The following SLC30A10 variants were observed in gnomAD, a reference collection of about 807,000 sequenced individuals.
The protein encoded by SLC30A10 is calcium/manganese antiporter SLC30A10.
SLC30A10 carries 8 observed loss-of-function variants against 21.7 expected under a neutral mutation model. The observed-to-expected ratio is 0.37, with a 90% CI of 0.22 to 0.67. The LOEUF is 0.67. SLC30A10 is among the 30% of genes least tolerant of loss of function. SLC30A10 has a pLI of 0.58. For synonymous variants in SLC30A10, 272 were observed against 279.4 expected (o/e 0.97, Z 0.26); for missense variants, 521 against 642.5 (o/e 0.81, Z 2.04).
intron 1 of SLC30A10, among the ~76,000 whole-genome samples, chr1:219,942,356 T>C (rs1026244567): frequency 1.3e-5 from 2 of 151,954 alleles, no homozygotes; most frequent in Admixed American, 1.3e-4. Flanking sequence ...AGATGGAGAG[T>C]TGGACCAGAG....
chr1:219,947,532 C>CA (rs1006268189), intron 1 of SLC30A10, among the ~76,000 whole-genome samples: 7 of 150,958 alleles, frequency 4.6e-5, no homozygotes, highest in Non-Finnish European at 7.4e-5. Context: ...GATCCTGTCT[C>CA]AAAAAAAAAT....
Position 219,915,449 on chromosome 1 carries a change from T to C in SLC30A10, c.1458A>G (p.Ter486=), listed in dbSNP as rs1161184826. Residue 486 remains the stop codon, a stop_retained_variant, in exon 4 of 4, where the codon TAA becomes TAG. Transcript: ENST00000366926. ...ATGGTCTGATTATGTGAGTACCAGA[T>C]TAAAAATGCGTTCTGTTGACATAAC... The part of the protein sequence containing the change: ...DQCYVNRTHF[*] 1 of 1,612,320 alleles carries C rather than the reference T, an allele frequency of 6.2e-7. No homozygotes were observed. Among genetic ancestry groups the C allele is most frequent in the African/African-American group, 1.3e-5 (1 of 74,938 alleles).
chr1:219,943,694 C>T (rs1163867493), intron 1 of SLC30A10, among the ~76,000 whole-genome samples: 1 of 152,002 alleles, frequency 6.6e-6, no homozygotes, highest in Non-Finnish European at 1.5e-5. Context: ...CAAGCAATTA[C>T]AAATACATTT....
chr1:219,958,734 G>T (rs918984559), upstream of SLC30A10: 3 of 152,564 alleles, frequency 2.0e-5, no homozygotes, highest in Admixed American at 2.0e-4. Context: ...CTTCAACCAG[G>T]ATGCTGAACA....
Position 219,913,684 on chromosome 1 carries a change from A to T in SLC30A10, c.*1765T>A, listed in dbSNP as rs1471725220. ...CCCTTTGAGCTTATAAAGGGCATAT[A>T]ACCTAGCCCAATAAGCTCCTAGAAA... On this transcript the variant is annotated 3_prime_UTR_variant, in exon 4 of 4. Transcript: ENST00000366926. 6.6e-6 allele frequency: 1 copy of T among 152,198 alleles called. No homozygotes were observed. The highest frequency in any genetic ancestry group is 1.5e-5 in the Non-Finnish European group (1 of 68,036). 9.4% of individuals were successfully genotyped at this position (152,198 alleles called of 1,614,324 possible). A position where few individuals can be genotyped will look rare whatever the true frequency, so the allele number is the denominator to read the frequency against.
In SLC30A10 at chr1:219,912,192, A is replaced by G. The variant is rs990792304; in HGVS notation, c.*3257T>C. Among the ~76,000 whole-genome samples, 549 of 141,736 alleles carry G rather than the reference A, an allele frequency of 3.9e-3. 4 individuals are homozygous for G. Among genetic ancestry groups the G allele is most frequent in the African/African-American group, 0.013 (523 of 38,874 alleles). 93.0% of individuals were successfully genotyped at this position (141,736 alleles called of 152,430 possible). A position where few individuals can be genotyped will look rare whatever the true frequency, so the allele number is the denominator to read the frequency against. On this transcript the variant is annotated 3_prime_UTR_variant, in exon 4 of 4. Transcript: ENST00000366926. Reference sequence around the variant, plus strand: ...TGGCAAAAAAAAAAAAAAAAAAAAAAAAAAGAACTAAATATGGAGAATATT... The same window carrying G: ...TGGCAAAAAAAAAAAAAAAAAAAAAGAAAAGAACTAAATATGGAGAATATT...
upstream of SLC30A10, among the ~76,000 whole-genome samples, chr1:219,928,995 C>G (rs541421554): frequency 2.8e-4 from 43 of 152,226 alleles, no homozygotes; most frequent in Admixed American, 5.2e-4. This position sits in a 1 kb window ranked among gnomAD's most constrained non-coding sequence, Gnocchi z 6.3. Context: ...GGTGCAGATT[C>G]CATATTAATC....
intron 2 of SLC30A10, among the ~76,000 whole-genome samples, chr1:219,923,368 G>T (rs1244536265): frequency 6.6e-6 from 1 of 152,134 alleles, no homozygotes; most frequent in Non-Finnish European, 1.5e-5. Flanking sequence ...CAAAAAACGG[G>T]CATATAACAT....
At chr1:219,950,454 A>G (rs1660252395) in intron 1 of SLC30A10, among the ~76,000 whole-genome samples, 2 of 151,998 alleles carry the variant, frequency 1.3e-5, no homozygotes, top group South Asian at 2.1e-4. Flanking sequence ...CCTGGCTAAC[A>G]CAGTGAAACC....
At chr1:219,931,294 G>T (rs1659966381), upstream of SLC30A10, among the ~76,000 whole-genome samples, 1 of 152,184 alleles carries the variant, frequency 6.6e-6, no homozygotes, top group African/African-American at 2.4e-5. Flanking sequence ...TAAAGCCAGT[G>T]GCTGAGGAAG....
rs1403194410 is a variant in SLC30A10 at position 219,912,829 on chromosome 1, G to A, written c.*2620C>T. 6.8e-6 allele frequency among the ~76,000 whole-genome samples: 1 copy of A among 147,064 alleles called. No individual in the cohort carries two copies. The stretch of plus-strand genomic sequence containing the variant: ...AGCCTGGGCGACAGAGCAAGACTCC[G>A]TCTCAAAGAAACAAACAAACAAACC... On this transcript the variant is annotated 3_prime_UTR_variant, in exon 4 of 4. Transcript: ENST00000366926.
chr1:219,950,821 G>A (rs761085418), intron 1 of SLC30A10, among the ~76,000 whole-genome samples: 279 of 152,080 alleles, frequency 1.8e-3, no homozygotes, highest in Admixed American at 2.2e-3. Flanking sequence ...GGTGGCGGGC[G>A]CCTGTAATCC....
intron 1 of SLC30A10, among the ~76,000 whole-genome samples, chr1:219,948,734 A>G (rs1039656487): frequency 1.5e-4 from 23 of 152,188 alleles, no homozygotes; most frequent in Non-Finnish European, 2.8e-4. Flanking sequence ...ACCAAAAGCA[A>G]TGGCAACAAA....
intron 1 of SLC30A10, among the ~76,000 whole-genome samples, chr1:219,940,806 GCC>G (rs1159008632): frequency 6.6e-6 from 1 of 152,192 alleles, no homozygotes; most frequent in African/African-American, 2.4e-5. Context: ...TTGAGTCCAG[GCC>G]TGGGTCGATT....
chr1:219,947,126 C>G (rs2102545088), intron 1 of SLC30A10, among the ~76,000 whole-genome samples: 1 of 152,310 alleles, frequency 6.6e-6, no homozygotes, highest in East Asian at 1.9e-4. Flanking sequence ...CAGCCCCTAC[C>G]TCCCATTGAC....
rs1414799422 is a variant in SLC30A10, at chr1:219,912,793, C to T, written c.*2656G>A. Among the ~76,000 whole-genome samples, 1 of 151,952 alleles carries T rather than the reference C, an allele frequency of 6.6e-6. No homozygotes were observed. Among genetic ancestry groups the T allele is most frequent in the African/African-American group, 2.4e-5 (1 of 41,346 alleles). On this transcript the variant is annotated 3_prime_UTR_variant, in exon 4 of 4. Transcript: ENST00000366926. ...AGCTTGCAGTGAGCCGAGATAGCAC[C>T]ACTGCACTCCAGCCTGGGCGACAGA...
In SLC30A10 at chr1:219,927,234, C is replaced by G. The variant is rs1238602136; in HGVS notation, c.641-129G>C. 1.1e-5 allele frequency: 10 copies of G among 887,706 alleles called. No homozygotes were observed. In the East Asian group the frequency reaches 2.7e-4, roughly 24 times the overall value. 55.0% of individuals were successfully genotyped at this position (887,706 alleles called of 1,614,324 possible). On this transcript the variant is annotated intron_variant, in intron 1 of 3. Coordinates refer to ENST00000366926, the MANE Select transcript of SLC30A10 (RefSeq NM_018713.3). ...GCTTAAGGGAGACCCTTCTGCACAC[C>G]CACAGCTCAGAACAGTACATTTTGG...
chr1:219,944,797 A>G (rs1660166409), intron 1 of SLC30A10, among the ~76,000 whole-genome samples: 1 of 152,220 alleles, frequency 6.6e-6, no homozygotes, highest in Non-Finnish European at 1.5e-5. Flanking sequence ...CACAGAAGCC[A>G]GGAAACGGAA....
At chr1:219,957,418 C>T (rs139518618) in intron 1 of SLC30A10, among the ~76,000 whole-genome samples, 52 of 152,210 alleles carry the variant, frequency 3.4e-4, no homozygotes, top group African/African-American at 1.1e-3. Flanking sequence ...AATGGCCCAG[C>T]TACTGAGAGA....
Sources: allele counts gnomAD v4.1 joint callset (sites outside exome capture counted in the v4.1 genomes callset), GRCh38; gene constraint gnomAD v4.1.1; non-coding constraint Gnocchi (gnomAD v3.1); transcripts MANE v1.5; gene names NCBI Gene and HGNC (gene_info 2026-07-23, HGNC 2026-07-21).